The following DNAAF10 variants were observed in gnomAD, a reference collection of about 807,000 sequenced individuals.
DNAAF10 encodes WD repeat domain 92.
DNAAF10 carries 28 observed loss-of-function variants against 43.7 expected under a neutral mutation model. That is an observed-to-expected ratio of 0.64 (90% CI 0.48 to 0.88). The LOEUF (loss-of-function observed/expected upper bound fraction) is 0.88. DNAAF10 is among the 40% of genes least tolerant of loss of function. The probability of loss-of-function intolerance (pLI) is 0.00; values close to 1 mark genes in which losing one functional copy is unlikely to be tolerated. For synonymous variants in DNAAF10, 156 were observed against 157.3 expected, an observed-to-expected ratio of 0.99 and a Z score of 0.06; for missense variants, 403 against 439.1, an observed-to-expected ratio of 0.92 and a Z score of 0.73.
intron 7 of DNAAF10, chr2:68,134,008 T>G: frequency 2.2e-6 from 1 of 457,590 alleles, no homozygotes. Flanking sequence ...CCCTGAGTGA[T>G]GTTTAAGAAA....
intron 6 of DNAAF10, among the ~76,000 whole-genome samples, chr2:68,136,695 C>T (rs1673051420): frequency 6.6e-6 from 1 of 152,184 alleles, no homozygotes; most frequent in Non-Finnish European, 1.5e-5. Context: ...TGTAATCCCC[C>T]CAGTCCAGAA....
chr2:68,148,536 C>T (rs541607210), intron 1 of DNAAF10, among the ~76,000 whole-genome samples: 3 of 152,208 alleles, frequency 2.0e-5, no homozygotes, highest in Non-Finnish European at 2.9e-5. Flanking sequence ...TTCTCCATGG[C>T]CCCTCCCGCC....
intron 1 of DNAAF10, among the ~76,000 whole-genome samples, chr2:68,156,764 G>C (rs1300431871): frequency 3.9e-5 from 6 of 152,112 alleles, no homozygotes; most frequent in Admixed American, 1.3e-4. Context: ...ACCAAAATCT[G>C]TTTTCATTCA....
chr2:68,143,161 A>T (rs1673234017), intron 3 of DNAAF10, among the ~76,000 whole-genome samples: 1 of 151,674 alleles, frequency 6.6e-6, no homozygotes, highest in African/African-American at 2.4e-5. Flanking sequence ...TGCACCCACC[A>T]AAAGCCTGTT....
chr2:68,138,424 T>C (rs1371025604), intron 5 of DNAAF10, among the ~76,000 whole-genome samples: 5 of 152,218 alleles, frequency 3.3e-5, no homozygotes, highest in South Asian at 2.1e-4. Context: ...TCAGGCTTTC[T>C]GATATTGGCA....
rs752326322 is a variant in DNAAF10 at position 68,131,428 on chromosome 2, C to T, written c.884G>A (p.Arg295Gln). ...TATTCCCTCAGAATCTTTCTTTGAC[C>T]GCTGAATAGGGTATTCACTGAAAAC... ...HLWKYEYPIQRSKKDSEGIEM... is the reference protein window; with the variant it reads ...HLWKYEYPIQQSKKDSEGIEM... Residue 295 changes from arginine (R) to glutamine (Q), a missense_variant, in exon 8 of 8, where the codon CGG becomes CAG. Transcript: ENST00000295121. 1.2e-6 allele frequency: 2 copies of T among 1,614,082 alleles called. No individual in the cohort carries two copies. The highest frequency in any genetic ancestry group is 1.7e-6 in the Non-Finnish European group (2 of 1,179,986).
chr2:68,141,886 T>C, intron 3 of DNAAF10, 91 bp from the exon 4 acceptor site: 1 of 1,031,536 alleles, frequency 9.7e-7, no homozygotes. Flanking sequence ...CCTGTGTACA[T>C]GGCAATATGA....
Position 68,136,322 on chromosome 2 carries a change from A to C in DNAAF10, c.768+977T>G, listed in dbSNP as rs149722691. Reference sequence around the variant, plus strand: ...ATGTGTTGCAAATTATACATGGAACAGTTTAGTAAAGTGATTTATGTTGTT... The same window carrying C: ...ATGTGTTGCAAATTATACATGGAACCGTTTAGTAAAGTGATTTATGTTGTT... On this transcript the variant is annotated intron_variant, in intron 6 of 7. Transcript: ENST00000295121. Among the ~76,000 whole-genome samples the C allele has an allele frequency of 1.1e-4, 17 of 152,284 alleles. No individual in the cohort carries two copies. The East Asian group carries it at 2.9e-3, about 26-fold the overall frequency.
chr2:68,137,529 T>C (rs995052931), intron 5 of DNAAF10, 96 bp from the exon 6 acceptor site: 126 of 1,169,604 alleles, frequency 1.1e-4, no homozygotes, highest in Non-Finnish European at 1.4e-4. Context: ...GGTCAGATAA[T>C]GTGAAAGCAC....
intron 7 of DNAAF10, 97 bp from the exon 8 acceptor site, chr2:68,131,542 T>A: frequency 8.8e-7 from 1 of 1,136,156 alleles, no homozygotes; most frequent in Non-Finnish European, 1.3e-6. Flanking sequence ...CTCAGTTGGT[T>A]ACTGGGACTA....
intron 1 of DNAAF10, among the ~76,000 whole-genome samples, chr2:68,149,338 A>G (rs1673399530): frequency 6.6e-6 from 1 of 152,182 alleles, no homozygotes; most frequent in South Asian, 2.1e-4. Context: ...GTCTAAAAGC[A>G]CTCATACCTT....
intron 1 of DNAAF10, among the ~76,000 whole-genome samples, chr2:68,156,276 T>C (rs895945595): frequency 8.5e-5 from 13 of 152,136 alleles, no homozygotes; most frequent in African/African-American, 2.4e-4. Context: ...ACAGTCCAAA[T>C]TGTATTCATC....
intron 1 of DNAAF10, among the ~76,000 whole-genome samples, chr2:68,156,155 A>G (rs1673601562): frequency 6.6e-6 from 1 of 151,722 alleles, no homozygotes; most frequent in Non-Finnish European, 1.5e-5. Context: ...TAAGTGATGA[A>G]CAATACAAGG....
intron 4 of DNAAF10, among the ~76,000 whole-genome samples, chr2:68,139,113 C>G (rs147544902): frequency 3.3e-5 from 5 of 152,186 alleles, no homozygotes; most frequent in African/African-American, 1.2e-4. Flanking sequence ...GACGTATGAT[C>G]CCCAATGTCG....
chr2:68,152,914 C>T (rs1558613239), intron 1 of DNAAF10, among the ~76,000 whole-genome samples: 1 of 152,134 alleles, frequency 6.6e-6, no homozygotes, highest in East Asian at 1.9e-4. Context: ...TCTAGCCAAC[C>T]AAATGCTAAC....
intron 2 of DNAAF10, among the ~76,000 whole-genome samples, chr2:68,145,010 C>T (rs1673282335): frequency 6.6e-6 from 1 of 152,098 alleles, no homozygotes; most frequent in Admixed American, 6.6e-5. Context: ...ACCAGGTTTG[C>T]TTGTTGATAA....
In DNAAF10 at chr2:68,131,069, T is replaced by C. The variant is rs1258040132; in HGVS notation, c.*169A>G. On this transcript the variant is annotated 3_prime_UTR_variant, in exon 8 of 8. Coordinates refer to ENST00000295121, the MANE Select transcript of DNAAF10 (RefSeq NM_138458.4). ...TAGCTAGGACTACAGATGCCCGCCA[T>C]GACACCCAGCAAATTTTTTTTTATA... 3.6e-6 allele frequency: 2 copies of C among 562,244 alleles called. No homozygotes were observed. The highest frequency in any genetic ancestry group is 6.3e-5 in the Admixed American group (2 of 31,706). 34.8% of individuals were successfully genotyped at this position (562,244 alleles called of 1,614,324 possible).
chr2:68,147,641 A>G, intron 1 of DNAAF10, 74 bp from the exon 2 acceptor site: 1 of 1,086,174 alleles, frequency 9.2e-7, no homozygotes, highest in Admixed American at 2.5e-5. Context: ...TATCATATTT[A>G]TGGCTCTATT....
chr2:68,130,607 A>C lies in DNAAF10; in HGVS notation c.*631T>G, dbSNP rs553307186. The C allele has an allele frequency of 2.0e-5, 3 of 152,866 alleles. No homozygotes were observed. In the East Asian group the frequency reaches 5.8e-4, roughly 29 times the overall value. 9.5% of individuals were successfully genotyped at this position (152,866 alleles called of 1,614,324 possible). A position where few individuals can be genotyped will look rare whatever the true frequency, so the allele number is the denominator to read the frequency against. ...TAAAACATAACACAAGCATAAAGAT[A>C]AAATATGGAACTTCAGGGACACAGA... On this transcript the variant is annotated 3_prime_UTR_variant, in exon 8 of 8. Transcript: ENST00000295121.
Sources: gnomAD v4.1 joint callset for allele counts (sites outside exome capture counted in the v4.1 genomes callset) on GRCh38, gnomAD v4.1.1 for gene constraint, MANE v1.5 for transcripts, NCBI Gene and HGNC (gene_info 2026-07-23, HGNC 2026-07-21) for gene names.